The following SUGCT variants were observed in gnomAD, a reference collection of about 807,000 sequenced individuals.
The protein encoded by SUGCT is succinyl-CoA:glutarate CoA-transferase.
In SUGCT, 41 loss-of-function variants were observed where a neutral mutation model predicts 55.0. The ratio of observed to expected loss-of-function variants is 0.74; its 90% CI spans 0.58 to 0.97. The LOEUF is 0.97. SUGCT is among the 50% of genes least tolerant of loss of function. SUGCT has a pLI of 0.00. For synonymous variants in SUGCT, 187 were observed against 200.4 expected, an observed-to-expected ratio of 0.93 and a Z score of 0.56; for missense variants, 568 against 547.8, an observed-to-expected ratio of 1.04 and a Z score of -0.37.
intron 9 of SUGCT, among the ~76,000 whole-genome samples, chr7:40,336,943 G>A (rs1337174531): frequency 3.3e-5 from 5 of 152,124 alleles, no homozygotes; most frequent in Admixed American, 2.6e-4. Flanking sequence ...ATTCTGGTAT[G>A]TTGTGTCTTT....
the SUGCT span, among the ~76,000 whole-genome samples, chr7:40,927,048 G>C: frequency 6.6e-6 from 1 of 152,078 alleles, no homozygotes; most frequent in Non-Finnish European, 1.5e-5. Flanking sequence ...CTCAATATGG[G>C]AAACATATTT....
chr7:40,255,783 A>G (rs1250147482), intron 7 of SUGCT, among the ~76,000 whole-genome samples: 1 of 151,234 alleles, frequency 6.6e-6, no homozygotes, highest in Admixed American at 6.6e-5. Context: ...TATTTTCGCC[A>G]TCACAGTCTA....
At chr7:40,372,218 C>A (rs942690534) in intron 9 of SUGCT, among the ~76,000 whole-genome samples, 1 of 152,018 alleles carries the variant, frequency 6.6e-6, no homozygotes, top group Non-Finnish European at 1.5e-5. Flanking sequence ...GAGATGACCT[C>A]TGTGACTTCA....
intron 1 of SUGCT, chr7:40,153,914 A>C: frequency 7.9e-6 from 3 of 377,876 alleles, no homozygotes; most frequent in South Asian, 7.4e-5. Flanking sequence ...TGGAACCTTC[A>C]TCCACCTTGC....
chr7:40,877,306 T>G, the SUGCT span, among the ~76,000 whole-genome samples: 1 of 152,334 alleles, frequency 6.6e-6, no homozygotes, highest in Non-Finnish European at 1.5e-5. Context: ...TTACCAGAAA[T>G]GGCATGTGAT....
At chr7:40,221,493 T>C (rs1429335225) in intron 6 of SUGCT, among the ~76,000 whole-genome samples, 1 of 146,776 alleles carries the variant, frequency 6.8e-6, no homozygotes, top group South Asian at 2.1e-4. Context: ...CTGTTATTGG[T>C]CTTTTTTTTT....
At chr7:40,624,281 C>T (rs1403424397) in intron 12 of SUGCT, among the ~76,000 whole-genome samples, 1 of 152,092 alleles carries the variant, frequency 6.6e-6, no homozygotes, top group African/African-American at 2.4e-5. Context: ...TTTAGGTAAT[C>T]GCCAAACTGG....
intron 7 of SUGCT, among the ~76,000 whole-genome samples, chr7:40,268,823 G>T (rs1791792885): frequency 6.6e-6 from 1 of 152,040 alleles, no homozygotes; most frequent in Non-Finnish European, 1.5e-5. Flanking sequence ...ATTTTTAGGG[G>T]AGATGGGGTT....
intron 13 of SUGCT, among the ~76,000 whole-genome samples, chr7:40,752,535 T>C (rs1788069459): frequency 6.6e-6 from 1 of 152,046 alleles, no homozygotes; most frequent in Non-Finnish European, 1.5e-5. Flanking sequence ...TCTGTATATT[T>C]AGTAGAGACG....
intron 12 of SUGCT, among the ~76,000 whole-genome samples, chr7:40,582,559 G>A (rs943005445): frequency 1.3e-5 from 2 of 152,156 alleles, no homozygotes; most frequent in African/African-American, 4.8e-5. Context: ...CTGTACTGAA[G>A]GTAAGCTTGT....
chr7:40,819,258 TTTGGG>T (rs777729063), intron 13 of SUGCT, among the ~76,000 whole-genome samples: 170 of 152,258 alleles, frequency 1.1e-3, no homozygotes, highest in Non-Finnish European at 2.2e-3. Flanking sequence ...TTTATAATCC[TTTGGG>T]TATATACCCA....
intron 1 of SUGCT, among the ~76,000 whole-genome samples, chr7:40,144,120 C>T (rs1437417264): frequency 1.3e-5 from 2 of 152,118 alleles, no homozygotes; most frequent in African/African-American, 4.8e-5. Flanking sequence ...GGGGTCTTTA[C>T]CAAAATCTCC....
intron 9 of SUGCT, among the ~76,000 whole-genome samples, chr7:40,400,555 A>G (rs891265632): frequency 6.6e-6 from 1 of 152,194 alleles, no homozygotes; most frequent in African/African-American, 2.4e-5. Flanking sequence ...CATGAAGCAT[A>G]TATCTTCATG....
chr7:40,902,909 A>G, the SUGCT span, among the ~76,000 whole-genome samples: 1 of 152,202 alleles, frequency 6.6e-6, no homozygotes, highest in African/African-American at 2.4e-5. Flanking sequence ...AAAACACCAT[A>G]GGCAATGAAT....
At chr7:40,731,761 G>A (rs1483277461) in intron 12 of SUGCT, among the ~76,000 whole-genome samples, 1 of 152,180 alleles carries the variant, frequency 6.6e-6, no homozygotes, top group Non-Finnish European at 1.5e-5. Flanking sequence ...TTCCAAAAGA[G>A]TGAAACATAG....
At chr7:40,613,858 C>T (rs1417876409) in intron 12 of SUGCT, among the ~76,000 whole-genome samples, 7 of 152,194 alleles carry the variant, frequency 4.6e-5, no homozygotes, top group African/African-American at 1.2e-4. Flanking sequence ...CCGCCCTCCT[C>T]GGCCTCCCGA....
intron 13 of SUGCT, among the ~76,000 whole-genome samples, chr7:40,773,025 T>C (rs1467128297): frequency 6.6e-6 from 1 of 152,202 alleles, no homozygotes; most frequent in Non-Finnish European, 1.5e-5. Context: ...AAAACTTTTG[T>C]TTTTATAATC....
chr7:40,401,305 A>G (rs1786053242), intron 9 of SUGCT, among the ~76,000 whole-genome samples: 1 of 152,188 alleles, frequency 6.6e-6, no homozygotes, highest in South Asian at 2.1e-4. Flanking sequence ...ACCTTGTGCA[A>G]TTACCTTAGA....
At chr7:40,974,760 G>A in the SUGCT span, among the ~76,000 whole-genome samples, 1 of 152,160 alleles carries the variant, frequency 6.6e-6, no homozygotes, top group Non-Finnish European at 1.5e-5. Flanking sequence ...TGAATTCTCT[G>A]AAATCTCTTC....
Sources: gnomAD v4.1 joint callset for allele counts (sites outside exome capture counted in the v4.1 genomes callset) on GRCh38, gnomAD v4.1.1 for gene constraint, MANE v1.5 for transcripts, NCBI Gene and HGNC (gene_info 2026-07-23, HGNC 2026-07-21) for gene names.